The following SLIT2 variants were observed in gnomAD, a reference collection of about 807,000 sequenced individuals.
SLIT2 encodes the protein slit guidance ligand 2.
In SLIT2, 41 loss-of-function variants were observed where a neutral mutation model predicts 185.7. The observed-to-expected ratio is 0.22, with a 90% confidence interval of 0.17 to 0.29. SLIT2 has a LOEUF of 0.29. SLIT2 is among the 10% of genes least tolerant of loss of function. SLIT2 has a pLI of 1.00. For missense variants in SLIT2, 1,571 were observed against 1,909.0 expected (o/e 0.82, Z 3.30); for synonymous variants, 693 against 680.2 (o/e 1.02, Z -0.29).
At chr4:20,519,292 G>T in intron 11 of SLIT2, 90 bp from the exon 12 acceptor site, 1 of 704,912 alleles carries the variant, frequency 1.4e-6, no homozygotes, top group Non-Finnish European at 2.5e-6. Flanking sequence ...TTGCCTACTA[G>T]CTTCCTGTAT....
rs1194636938 is a variant in SLIT2, at chr4:20,523,753, CA to C, written c.1131-4del. Reference sequence around the variant, plus strand: ...CACTTTAATTCTACAACTATTTAATCAAACAGATTATTGAATGCCAACAAGA... The same window carrying C: ...CACTTTAATTCTACAACTATTTAATCAACAGATTATTGAATGCCAACAAGA... On this transcript the variant is annotated splice_polypyrimidine_tract_variant and splice_region_variant and intron_variant, in intron 12 of 36. Transcript: ENST00000504154. 2 of 1,612,742 alleles carry C rather than the reference CA, an allele frequency of 1.2e-6. No homozygotes were observed. The highest frequency in any genetic ancestry group is 1.7e-6 in the Non-Finnish European group (2 of 1,178,984).
intron 26 of SLIT2, among the ~76,000 whole-genome samples, chr4:20,563,390 A>G (rs1459114596): frequency 2.6e-5 from 4 of 151,802 alleles, no homozygotes; most frequent in African/African-American, 9.7e-5. Context: ...TAGCTTTAGA[A>G]AGGAGAAAAG....
At chr4:20,500,449 C>T (rs938863475) in intron 9 of SLIT2, among the ~76,000 whole-genome samples, 22 of 152,074 alleles carry the variant, frequency 1.4e-4, no homozygotes, top group African/African-American at 5.3e-4. Flanking sequence ...ATTAGCTAGC[C>T]TACAACATTA....
At chr4:20,472,403 GATATCTAT>G (rs1157726091) in intron 5 of SLIT2, among the ~76,000 whole-genome samples, 1 of 44,866 alleles carries the variant, frequency 2.2e-5, no homozygotes, top group South Asian at 7.6e-4. Context: ...TATAGATATA[GATATCTAT>G]ATATCTATAT....
chr4:20,263,915 T>C (rs187787140), intron 3 of SLIT2, among the ~76,000 whole-genome samples: 84 of 151,998 alleles, frequency 5.5e-4, no homozygotes, highest in African/African-American at 1.9e-3. Context: ...ATTTGACTTT[T>C]TACGACCATA....
chr4:20,356,199 G>T (rs934373236), intron 4 of SLIT2, among the ~76,000 whole-genome samples: 1 of 152,094 alleles, frequency 6.6e-6, no homozygotes, highest in African/African-American at 2.4e-5. Flanking sequence ...ATTTAAATTT[G>T]ATGTATTTAG....
chr4:20,269,331 T>C (rs149428018), intron 4 of SLIT2, among the ~76,000 whole-genome samples: 90 of 151,974 alleles, frequency 5.9e-4, no homozygotes, highest in African/African-American at 2.0e-3. Context: ...ATAAGGTATT[T>C]AAAGAGGGCT....
intron 29 of SLIT2, among the ~76,000 whole-genome samples, chr4:20,582,073 T>C (rs1048152484): frequency 7.9e-5 from 12 of 152,166 alleles, no homozygotes; most frequent in Non-Finnish European, 4.4e-5. Flanking sequence ...AGTGCAGATG[T>C]CATCTGGCCA....
intron 22 of SLIT2, among the ~76,000 whole-genome samples, chr4:20,547,061 T>C (rs1723310567): frequency 6.6e-6 from 1 of 152,120 alleles, no homozygotes; most frequent in Admixed American, 6.6e-5. Context: ...GTAAACTAGG[T>C]ACATTGAAGC....
intron 5 of SLIT2, among the ~76,000 whole-genome samples, chr4:20,480,478 TA>T: frequency 6.6e-6 from 1 of 152,308 alleles, no homozygotes; most frequent in South Asian, 2.1e-4. Flanking sequence ...AAGGTGCAGT[TA>T]TTATTTACTG....
intron 11 of SLIT2, among the ~76,000 whole-genome samples, chr4:20,516,377 G>A (rs1720221369): frequency 6.6e-6 from 1 of 152,064 alleles, no homozygotes; most frequent in Admixed American, 6.6e-5. Flanking sequence ...TATCTATGTG[G>A]TATGCTGAAC....
intron 4 of SLIT2, among the ~76,000 whole-genome samples, chr4:20,382,887 G>T (rs1421987934): frequency 1.3e-5 from 2 of 152,206 alleles, no homozygotes; most frequent in East Asian, 3.9e-4. Context: ...GTACAAAACT[G>T]ATTTTAAGAC....
chr4:20,386,524 T>C (rs1162883615), intron 4 of SLIT2, among the ~76,000 whole-genome samples: 2 of 152,162 alleles, frequency 1.3e-5, no homozygotes, highest in Admixed American at 6.5e-5. Context: ...ATTAGACTTG[T>C]TGAAATATGG....
At chr4:20,560,694 A>AT (rs1399114788) in intron 26 of SLIT2, among the ~76,000 whole-genome samples, 2 of 151,062 alleles carry the variant, frequency 1.3e-5, no homozygotes, top group African/African-American at 4.9e-5. Flanking sequence ...CAACTAAATT[A>AT]TTTTTTTATT....
At chr4:20,562,248 A>G (rs1362205638) in intron 26 of SLIT2, among the ~76,000 whole-genome samples, 2 of 151,674 alleles carry the variant, frequency 1.3e-5, no homozygotes, top group African/African-American at 4.8e-5. Context: ...CATCTTCGAC[A>G]TTGGTGGCCA....
chr4:20,462,177 C>G (rs546617871), intron 4 of SLIT2, among the ~76,000 whole-genome samples: 1 of 152,094 alleles, frequency 6.6e-6, no homozygotes, highest in Non-Finnish European at 1.5e-5. Context: ...TTACATTCAC[C>G]GTTCTTCATA....
intron 5 of SLIT2, among the ~76,000 whole-genome samples, chr4:20,468,636 G>A (rs1281393083): frequency 1.3e-5 from 2 of 151,834 alleles, no homozygotes; most frequent in African/African-American, 4.8e-5. Flanking sequence ...TACTATATTA[G>A]CTTCTAAAAA....
chr4:20,429,863 A>G (rs996446890), intron 4 of SLIT2, among the ~76,000 whole-genome samples: 7 of 152,290 alleles, frequency 4.6e-5, no homozygotes, highest in South Asian at 2.1e-4. Flanking sequence ...AACCAGGTCT[A>G]CTCGATCTCT....
At chr4:20,404,152 T>G (rs1325369316) in intron 4 of SLIT2, among the ~76,000 whole-genome samples, 1 of 152,000 alleles carries the variant, frequency 6.6e-6, no homozygotes, top group Non-Finnish European at 1.5e-5. Context: ...CTGAATGTAA[T>G]GAAGAATGAA....
Sources: allele counts gnomAD v4.1 joint callset (sites outside exome capture counted in the v4.1 genomes callset), GRCh38; gene constraint gnomAD v4.1.1; transcripts MANE v1.5; gene names NCBI Gene and HGNC (gene_info 2026-07-23, HGNC 2026-07-21).